Variants in MEMO1 observed in about 807,000 individuals in gnomAD.
The protein encoded by MEMO1 is mediator of cell motility 1.
Under a neutral mutation model 45.2 loss-of-function variants are expected in MEMO1, and 6 were observed. The observed-to-expected ratio is 0.13, with a 90% confidence interval of 0.07 to 0.26. The LOEUF is 0.26. Ranked by LOEUF, MEMO1 falls within the 10% of genes least tolerant of loss-of-function variation. The pLI is 1.00. For missense variants in MEMO1, 184 were observed against 370.5 expected, an observed-to-expected ratio of 0.50 and a Z score of 4.13; for synonymous variants, 78 against 124.3, an observed-to-expected ratio of 0.63 and a Z score of 2.48.
chr2:31,875,704 G>A (rs193244877), intron 8 of MEMO1, among the ~76,000 whole-genome samples: 12 of 150,720 alleles, frequency 8.0e-5, no homozygotes, highest in Admixed American at 6.6e-4. Context: ...TTTTCTTTTT[G>A]AGACAGAGTC....
At chr2:31,984,360 T>C (rs1283168893) in intron 2 of MEMO1, among the ~76,000 whole-genome samples, 6 of 152,218 alleles carry the variant, frequency 3.9e-5, no homozygotes, top group African/African-American at 9.6e-5. Context: ...CAAATCCAAA[T>C]GAAGGAACAT....
chr2:31,975,628 G>A (rs1456962388), intron 2 of MEMO1, among the ~76,000 whole-genome samples: 1 of 152,078 alleles, frequency 6.6e-6, no homozygotes, highest in Non-Finnish European at 1.5e-5. Flanking sequence ...AGCTAAGAAA[G>A]GAGTCTAAAC....
intron 2 of MEMO1, among the ~76,000 whole-genome samples, chr2:31,980,546 C>CT (rs1182331752): frequency 1.3e-5 from 2 of 152,130 alleles, no homozygotes; most frequent in East Asian, 1.9e-4. Flanking sequence ...TACTTGAACT[C>CT]TGTCATTTCA....
chr2:31,999,414 G>A (rs1298630215), intron 2 of MEMO1, among the ~76,000 whole-genome samples: 1 of 152,128 alleles, frequency 6.6e-6, no homozygotes, highest in Non-Finnish European at 1.5e-5. Flanking sequence ...TGTAATCCCA[G>A]CACTCTGGGA....
intron 5 of MEMO1, among the ~76,000 whole-genome samples, 159 bp from the exon 6 acceptor site, chr2:31,918,196 G>A (rs1681751074): frequency 6.6e-6 from 1 of 151,868 alleles, no homozygotes; most frequent in Non-Finnish European, 1.5e-5. Flanking sequence ...ACAATAGAAA[G>A]AAAGGAAAGG....
chr2:31,993,111 T>G (rs1558562011), intron 2 of MEMO1, among the ~76,000 whole-genome samples: 1 of 152,140 alleles, frequency 6.6e-6, no homozygotes, highest in Non-Finnish European at 1.5e-5. Flanking sequence ...AATTTGAGAC[T>G]GCAGCGAGCT....
intron 2 of MEMO1, among the ~76,000 whole-genome samples, chr2:32,006,591 CAAA>C (rs200802004): frequency 5.7e-5 from 4 of 70,534 alleles, no homozygotes; most frequent in Admixed American, 1.6e-4. Context: ...TGGACCTTAC[CAAA>C]AAAAAAAAAA....
chr2:31,931,192 T>C (rs1247382066), intron 4 of MEMO1, among the ~76,000 whole-genome samples: 2 of 152,186 alleles, frequency 1.3e-5, no homozygotes, highest in East Asian at 1.9e-4. Flanking sequence ...GAACGCTACA[T>C]AAAAATTTGA....
Position 31,963,330 on chromosome 2 carries a change from ATAAAGGTG to A in MEMO1, c.62-19955_62-19948del, listed in dbSNP as rs564432039. 220 of 1,392,498 alleles carry A rather than the reference ATAAAGGTG, an allele frequency of 1.6e-4. No individual in the cohort carries two copies. In the African/African-American group the frequency reaches 3.0e-3, roughly 19 times the overall value. The allele number at this position is 1,392,498 out of a possible 1,614,324, so 86.3% of individuals were successfully genotyped here. On this transcript the variant is annotated intron_variant, in intron 2 of 9. Transcript: ENST00000404530. ...GATAGATATAGATACAAATATAGTT[ATAAAGGTG>A]TAGACACACATACCCTACTGGTTCT...
chr2:31,990,169 C>A (rs1386181869), intron 2 of MEMO1, among the ~76,000 whole-genome samples: 2 of 152,106 alleles, frequency 1.3e-5, no homozygotes, highest in Non-Finnish European at 2.9e-5. Flanking sequence ...CTGGGTGAGG[C>A]CAGATTTTCT....
intron 2 of MEMO1, among the ~76,000 whole-genome samples, chr2:32,006,698 G>A (rs1416939977): frequency 2.0e-5 from 3 of 152,098 alleles, no homozygotes; most frequent in Admixed American, 2.0e-4. Context: ...TGGGTGTGGT[G>A]GCTCACGCCT....
chr2:31,935,621 G>GGAAGAAGATAATAATC (rs1664823613), intron 3 of MEMO1, among the ~76,000 whole-genome samples: 1 of 152,108 alleles, frequency 6.6e-6, no homozygotes, highest in Admixed American at 6.5e-5. Context: ...CATCAAAGGA[G>GGAAGAAGATAATAATC]GAAGAAGATA....
At chr2:31,983,005 G>A (rs528861484) in intron 2 of MEMO1, among the ~76,000 whole-genome samples, 15 of 152,098 alleles carry the variant, frequency 9.9e-5, no homozygotes, top group South Asian at 2.1e-4. Flanking sequence ...TTGGGAGGCC[G>A]AGGTGGGTGG....
At chr2:31,938,856 A>T (rs1665265348) in intron 3 of MEMO1, among the ~76,000 whole-genome samples, 1 of 146,716 alleles carries the variant, frequency 6.8e-6, no homozygotes, top group African/African-American at 2.5e-5. Context: ...GTGCAATCTC[A>T]GCTCAGTGCA....
chr2:31,870,483 T>C (rs560631429), intron 8 of MEMO1, among the ~76,000 whole-genome samples: 5 of 152,298 alleles, frequency 3.3e-5, no homozygotes, highest in Admixed American at 2.0e-4. Flanking sequence ...CAGCATTAAA[T>C]AATCTAGGTT....
chr2:31,911,217 C>A (rs1022121899), intron 6 of MEMO1, among the ~76,000 whole-genome samples: 1 of 152,124 alleles, frequency 6.6e-6, no homozygotes, highest in African/African-American at 2.4e-5. Context: ...TTACCAAGCT[C>A]TAAAAAGACA....
intron 2 of MEMO1, among the ~76,000 whole-genome samples, chr2:31,992,244 T>G (rs1249331310): frequency 6.6e-6 from 1 of 152,210 alleles, no homozygotes; most frequent in Non-Finnish European, 1.5e-5. Context: ...CATTTTTTTA[T>G]AGATCAAGTT....
intron 2 of MEMO1, among the ~76,000 whole-genome samples, chr2:31,957,735 AAC>A (rs1667564431): frequency 6.6e-6 from 1 of 152,262 alleles, no homozygotes; most frequent in South Asian, 2.1e-4. Flanking sequence ...GAACAAAATT[AAC>A]AGTTACAACA....
At chr2:31,925,544 A>C (rs1487119810) in intron 4 of MEMO1, among the ~76,000 whole-genome samples, 1 of 150,970 alleles carries the variant, frequency 6.6e-6, no homozygotes, top group East Asian at 1.9e-4. Context: ...CCACAATTTA[A>C]ATCAAGTCAC....
Sources: gnomAD v4.1 joint callset for allele counts (sites outside exome capture counted in the v4.1 genomes callset) on GRCh38, gnomAD v4.1.1 for gene constraint, MANE v1.5 for transcripts, NCBI Gene and HGNC (gene_info 2026-07-23, HGNC 2026-07-21) for gene names.